Variants in KHDRBS2 observed in about 807,000 individuals in gnomAD.
KHDRBS2 encodes KH RNA binding domain containing, signal transduction associated 2.
Under a neutral mutation model 44.3 loss-of-function variants are expected in KHDRBS2, and 26 were observed. That is an observed-to-expected ratio of 0.59 (90% CI 0.43 to 0.81). The LOEUF (loss-of-function observed/expected upper bound fraction) is 0.81. Among genes scored for constraint, KHDRBS2 ranks in the 40% least tolerant of loss-of-function variants. The pLI, the probability that KHDRBS2 is intolerant of heterozygous loss-of-function variation, is 0.00. For missense variants in KHDRBS2, 476 were observed against 433.1 expected, an observed-to-expected ratio of 1.10 and a Z score of -0.88; for synonymous variants, 194 against 151.1, an observed-to-expected ratio of 1.28 and a Z score of -2.08.
At chr6:61,887,097 G>A (rs1236946671) in intron 6 of KHDRBS2, among the ~76,000 whole-genome samples, 1 of 128,594 alleles carries the variant, frequency 7.8e-6, no homozygotes, top group East Asian at 2.2e-4. Context: ...GAAACACAAT[G>A]TATCAGATAG....
At chr6:62,131,706 A>C (rs1385160266) in intron 2 of KHDRBS2, among the ~76,000 whole-genome samples, 1 of 152,224 alleles carries the variant, frequency 6.6e-6, no homozygotes, top group East Asian at 1.9e-4. Flanking sequence ...AGTAGGCCAG[A>C]GGTCATAGAA....
At chr6:61,785,385 T>C (rs1172041624) in intron 6 of KHDRBS2, among the ~76,000 whole-genome samples, 1 of 152,172 alleles carries the variant, frequency 6.6e-6, no homozygotes, top group African/African-American at 2.4e-5. Context: ...TAAATTTGTA[T>C]AAATATTTTG....
Position 61,817,022 on chromosome 6 carries a change from A to G in KHDRBS2, c.810+77613T>C, listed in dbSNP as rs115644110. ...TAATGATGGCTGAAACATTAAGGAG[A>G]GGTACAGAGGTATGAGTTCTATATT... is the stretch of plus-strand genomic sequence containing the variant. On this transcript the variant is annotated intron_variant, in intron 6 of 8. Transcript: ENST00000281156. 421 of 455,394 alleles carry G rather than the reference A, an allele frequency of 9.2e-4. 2 individuals are homozygous for G. The highest frequency in any genetic ancestry group is 7.7e-3 in the African/African-American group (384 of 50,168). The allele number at this position is 455,394 out of a possible 1,614,324, so 28.2% of individuals were successfully genotyped here.
the KHDRBS2 span, among the ~76,000 whole-genome samples, chr6:61,547,380 C>T: frequency 6.6e-6 from 1 of 152,220 alleles, no homozygotes; most frequent in East Asian, 1.9e-4. Flanking sequence ...AGTGTAACCT[C>T]ATTATCTTCC....
chr6:61,606,989 T>G, the KHDRBS2 span, among the ~76,000 whole-genome samples: 1 of 152,012 alleles, frequency 6.6e-6, no homozygotes, highest in African/African-American at 2.4e-5. Flanking sequence ...ATGGAGGAAA[T>G]TAAAACCATA....
At chr6:61,668,202 A>G in the KHDRBS2 span, among the ~76,000 whole-genome samples, 1 of 151,170 alleles carries the variant, frequency 6.6e-6, no homozygotes, top group East Asian at 2.0e-4. Flanking sequence ...ATATATTTAT[A>G]AAATAGTGTG....
At chr6:61,812,819 C>A (rs879543333) in intron 6 of KHDRBS2, among the ~76,000 whole-genome samples, 1 of 151,970 alleles carries the variant, frequency 6.6e-6, no homozygotes, top group Non-Finnish European at 1.5e-5. Context: ...GAGATATACT[C>A]ATTTATATAT....
intron 4 of KHDRBS2, among the ~76,000 whole-genome samples, chr6:61,959,389 A>T (rs1187659853): frequency 6.6e-6 from 1 of 152,162 alleles, no homozygotes; most frequent in Non-Finnish European, 1.5e-5. Flanking sequence ...CAGTAAAATG[A>T]TCCACCACAC....
intron 6 of KHDRBS2, among the ~76,000 whole-genome samples, chr6:61,755,472 G>A (rs750016476): frequency 2.0e-5 from 3 of 152,074 alleles, no homozygotes. Context: ...GCCATGTTCA[G>A]AACCTAAGCA....
intron 1 of KHDRBS2, among the ~76,000 whole-genome samples, chr6:62,272,464 T>C (rs1330765483): frequency 2.6e-5 from 4 of 152,190 alleles, no homozygotes; most frequent in Non-Finnish European, 4.4e-5. Context: ...TTTCATACTA[T>C]ATCCTCAGTA....
At chr6:62,142,685 G>A (rs1192767128) in intron 2 of KHDRBS2, among the ~76,000 whole-genome samples, 1 of 151,906 alleles carries the variant, frequency 6.6e-6, no homozygotes, top group Non-Finnish European at 1.5e-5. Context: ...AAATTGGGAA[G>A]GTCTGGATAA....
intron 2 of KHDRBS2, among the ~76,000 whole-genome samples, chr6:62,085,006 C>A (rs1798134534): frequency 6.6e-6 from 1 of 152,060 alleles, no homozygotes; most frequent in Non-Finnish European, 1.5e-5. Flanking sequence ...AAAACTGAAA[C>A]ATCTAACAAT....
chr6:61,893,666 G>A (rs1027766570), intron 6 of KHDRBS2, among the ~76,000 whole-genome samples: 15 of 151,970 alleles, frequency 9.9e-5, no homozygotes, highest in Admixed American at 2.6e-4. Context: ...ACCAAACACC[G>A]CATGTTCTCA....
At chr6:62,054,525 T>C (rs1789826480) in intron 2 of KHDRBS2, among the ~76,000 whole-genome samples, 1 of 152,028 alleles carries the variant, frequency 6.6e-6, no homozygotes. Context: ...ATTAGAGATC[T>C]TGAGATGAGG....
At chr6:62,264,499 T>C (rs1405312467) in intron 1 of KHDRBS2, among the ~76,000 whole-genome samples, 1 of 151,832 alleles carries the variant, frequency 6.6e-6, no homozygotes, top group African/African-American at 2.4e-5. Flanking sequence ...TGGTGACTTT[T>C]TGAATCTACA....
At chr6:61,790,628 C>A (rs1317745396) in intron 6 of KHDRBS2, among the ~76,000 whole-genome samples, 3 of 151,460 alleles carry the variant, frequency 2.0e-5, no homozygotes, top group African/African-American at 2.4e-5. Flanking sequence ...TGGGATAAAT[C>A]TAACTTTTAC....
intron 1 of KHDRBS2, among the ~76,000 whole-genome samples, chr6:62,231,567 C>A (rs985151974): frequency 2.0e-5 from 3 of 152,160 alleles, no homozygotes; most frequent in Admixed American, 1.3e-4. Context: ...AGAGCCAAAC[C>A]ATATTACCCC....
intron 3 of KHDRBS2, among the ~76,000 whole-genome samples, chr6:62,039,150 C>T (rs1348522134): frequency 6.6e-6 from 1 of 151,812 alleles, no homozygotes; most frequent in Non-Finnish European, 1.5e-5. Context: ...AGAAATTATA[C>T]ATGCTCTAGA....
the KHDRBS2 span, among the ~76,000 whole-genome samples, chr6:61,669,057 T>C: frequency 1.3e-5 from 2 of 150,976 alleles, no homozygotes; most frequent in African/African-American, 4.8e-5. Context: ...CTAAATTCTA[T>C]ACTTAGATAC....
Sources: gnomAD v4.1 joint callset for allele counts (sites outside exome capture counted in the v4.1 genomes callset) on GRCh38, gnomAD v4.1.1 for gene constraint, MANE v1.5 for transcripts, NCBI Gene and HGNC (gene_info 2026-07-23, HGNC 2026-07-21) for gene names.